KCNMA1: variants seen among roughly 807,000 people sequenced by gnomAD.
KCNMA1 encodes the protein potassium calcium-activated channel subfamily M alpha 1.
A neutral mutation model predicts 140.0 loss-of-function variants in KCNMA1; 29 were observed. That is an observed-to-expected ratio of 0.21 (90% CI 0.15 to 0.28). The LOEUF (loss-of-function observed/expected upper bound fraction) is 0.28, where lower values mean the gene tolerates loss of function less well. KCNMA1 is among the 10% of genes least tolerant of loss of function. The pLI, the probability that KCNMA1 is intolerant of heterozygous loss-of-function variation, is 1.00. For missense variants in KCNMA1, 880 were observed against 1,602.2 expected (o/e 0.55, Z 7.70); for synonymous variants, 612 against 611.9 (o/e 1.00, Z 0.00).
chr10:77,180,552 G>A (rs1051480636), intron 5 of KCNMA1, among the ~76,000 whole-genome samples: 2 of 152,082 alleles, frequency 1.3e-5, no homozygotes, highest in Non-Finnish European at 2.9e-5. Context: ...ATTGTTCTAT[G>A]TGTTCAATTT....
chr10:77,539,303 G>C (rs1227352336), intron 1 of KCNMA1, among the ~76,000 whole-genome samples: 8 of 152,196 alleles, frequency 5.3e-5, no homozygotes, highest in Non-Finnish European at 1.0e-4. Flanking sequence ...GCTTGTCCAA[G>C]ATAATGCAGA....
chr10:76,997,541 G>A (rs11001962), intron 19 of KCNMA1, among the ~76,000 whole-genome samples: 3 of 152,164 alleles, frequency 2.0e-5, no homozygotes, highest in Non-Finnish European at 2.9e-5. Context: ...ATGGCCCTAC[G>A]TTGCCACTGC....
chr10:77,091,625 C>G lies in KCNMA1; in HGVS notation c.1224-1115G>C, dbSNP rs2096820672. The G allele has an allele frequency of 2.0e-5, 3 of 152,366 alleles. No individual in the cohort carries two copies. The South Asian group carries it at 6.2e-4, about 32-fold the overall frequency. 9.4% of individuals were successfully genotyped at this position (152,366 alleles called of 1,614,324 possible). A position where few individuals can be genotyped will look rare whatever the true frequency, so the allele number is the denominator to read the frequency against. ...CCCCCCAGGCTCATAGTGACAGCAT[C>G]TGAGTCTCTAGCTGCGCTCTGAGAC... On this transcript the variant is annotated intron_variant, in intron 9 of 27. Transcript: ENST00000286628.
At chr10:77,006,592 G>C (rs1310765316) in intron 18 of KCNMA1, among the ~76,000 whole-genome samples, 1 of 152,308 alleles carries the variant, frequency 6.6e-6, no homozygotes, top group Admixed American at 6.5e-5. Context: ...TAAGAAGAAA[G>C]GTCTTCCAGG....
At chr10:77,245,934 G>A (rs2058450042) in intron 3 of KCNMA1, among the ~76,000 whole-genome samples, 1 of 152,176 alleles carries the variant, frequency 6.6e-6, no homozygotes. Flanking sequence ...AGGAAGAACT[G>A]AATCAAGGCC....
rs368455791 is a variant in KCNMA1, at chr10:77,343,442, T to G, written c.540+60420A>C. ...GGGCAGTCCATCATCCTAACCATAC[T>G]CCCTACTGCCTCAATGAGCTGACAC... On this transcript the variant is annotated intron_variant, in intron 2 of 27. Coordinates refer to ENST00000286628, the MANE Select transcript of KCNMA1 (RefSeq NM_001161352.2). Among the ~76,000 whole-genome samples, 33 of 152,042 alleles carry G rather than the reference T, an allele frequency of 2.2e-4. No homozygotes were observed. The East Asian group carries it at 2.7e-3, about 13-fold the overall frequency.
At chr10:77,575,921 A>G (rs2073920970) in intron 1 of KCNMA1, among the ~76,000 whole-genome samples, 1 of 152,144 alleles carries the variant, frequency 6.6e-6, no homozygotes, top group South Asian at 2.1e-4. Flanking sequence ...CATTTCCAAC[A>G]AGCTCCCAGG....
intron 5 of KCNMA1, among the ~76,000 whole-genome samples, chr10:77,133,025 G>A (rs544395249): frequency 1.3e-5 from 2 of 151,924 alleles, no homozygotes; most frequent in African/African-American, 2.4e-5. Context: ...AAAAAGAAAG[G>A]TGTGCAGAAA....
intron 1 of KCNMA1, among the ~76,000 whole-genome samples, chr10:77,446,328 G>A (rs1404594368): frequency 6.6e-6 from 1 of 152,200 alleles, no homozygotes; most frequent in Non-Finnish European, 1.5e-5. Context: ...CCATCTGAGG[G>A]GCTATTAGAT....
intron 20 of KCNMA1, among the ~76,000 whole-genome samples, chr10:76,968,532 G>A (rs974756342): frequency 1.3e-5 from 2 of 152,000 alleles, no homozygotes; most frequent in Non-Finnish European, 2.9e-5. Flanking sequence ...AAAGTGGCTG[G>A]GCTTTTCTCT....
At chr10:77,416,723 A>G (rs1477462200) in intron 1 of KCNMA1, among the ~76,000 whole-genome samples, 1 of 152,192 alleles carries the variant, frequency 6.6e-6, no homozygotes, top group African/African-American at 2.4e-5. Flanking sequence ...CTTATTCTCT[A>G]GCAGTCAGGG....
chr10:77,619,324 CT>C (rs2090625518), intron 1 of KCNMA1, among the ~76,000 whole-genome samples: 1 of 146,372 alleles, frequency 6.8e-6, no homozygotes, highest in Non-Finnish European at 1.5e-5. Flanking sequence ...GTCTCTCTCT[CT>C]CTCTCTCTCT....
chr10:77,025,660 G>T (rs1237407120), intron 16 of KCNMA1, among the ~76,000 whole-genome samples: 1 of 151,948 alleles, frequency 6.6e-6, no homozygotes. Flanking sequence ...AAAGAAGGTG[G>T]GAAGGAGAAA....
intron 1 of KCNMA1, among the ~76,000 whole-genome samples, chr10:77,424,292 A>G (rs1354336442): frequency 1.3e-5 from 2 of 152,256 alleles, no homozygotes; most frequent in Non-Finnish European, 2.9e-5. Flanking sequence ...TTATATGCCA[A>G]GTATGAATCT....
At chr10:77,157,448 T>A (rs1172572918) in intron 5 of KCNMA1, among the ~76,000 whole-genome samples, 4 of 142,484 alleles carry the variant, frequency 2.8e-5, no homozygotes, top group Non-Finnish European at 6.2e-5. Flanking sequence ...TCAAATGTTT[T>A]ATGATATTTG....
intron 1 of KCNMA1, among the ~76,000 whole-genome samples, chr10:77,598,644 A>C (rs1014607980): frequency 1.9e-4 from 29 of 152,258 alleles, no homozygotes; most frequent in Non-Finnish European, 5.9e-5. Context: ...CAAAGATGTA[A>C]GTCAGACTCA....
At chr10:77,239,096 C>T (rs2056509486) in intron 3 of KCNMA1, among the ~76,000 whole-genome samples, 1 of 152,200 alleles carries the variant, frequency 6.6e-6, no homozygotes, top group African/African-American at 2.4e-5. Flanking sequence ...CACTGGAAGA[C>T]CACATGGCTG....
At chr10:77,442,464 T>A (rs142020718) in intron 1 of KCNMA1, among the ~76,000 whole-genome samples, 16 of 152,212 alleles carry the variant, frequency 1.1e-4, no homozygotes, top group African/African-American at 3.6e-4. Context: ...GGACCTGGCA[T>A]GGAAGTCAGA....
intron 1 of KCNMA1, among the ~76,000 whole-genome samples, chr10:77,496,767 C>T (rs1008996971): frequency 2.0e-5 from 3 of 152,066 alleles, no homozygotes; most frequent in Non-Finnish European, 2.9e-5. Flanking sequence ...TGAAGTTCAG[C>T]TAGATTAAGT....
Sources: gnomAD v4.1 joint callset for allele counts (sites outside exome capture counted in the v4.1 genomes callset) on GRCh38, gnomAD v4.1.1 for gene constraint, MANE v1.5 for transcripts, NCBI Gene and HGNC (gene_info 2026-07-23, HGNC 2026-07-21) for gene names.